Variants in TIMELESS observed in about 807,000 individuals in gnomAD.
The protein encoded by TIMELESS is protein timeless homolog.
In TIMELESS, 124 loss-of-function variants were observed where a neutral mutation model predicts 164.3. The observed-to-expected ratio is 0.75, with a 90% CI of 0.65 to 0.88. The LOEUF is 0.88. Among genes scored for constraint, TIMELESS ranks in the 40% least tolerant of loss-of-function variants. The pLI, the probability that TIMELESS is intolerant of heterozygous loss-of-function variation, is 0.00. For missense variants in TIMELESS, 1,422 were observed against 1,491.4 expected, an observed-to-expected ratio of 0.95 and a Z score of 0.77; for synonymous variants, 564 against 563.4, an observed-to-expected ratio of 1.00 and a Z score of -0.02.
chr12:56,420,048 A>ATATATATATATATATGTGTGTGTGTG (rs1473074484), intron 26 of TIMELESS, among the ~76,000 whole-genome samples: 1 of 87,344 alleles, frequency 1.1e-5, no homozygotes, highest in African/African-American at 5.0e-5. Context: ...ATATATATAT[A>ATATATATATATATATGTGTGTGTGTG]TGTGTGTGTG....
Position 56,428,895 on chromosome 12 carries a change from G to A in TIMELESS, c.1292C>T (p.Ser431Phe). ...CCATCCCACTCACCGGCGTGCCCAG[G>A]AGGCAGCTTCCTTGCGGTCAGTCAG... ...MMLTDRKEAA[S>F]WARRMHLALK... The change falls in exon 11 of 29, where the codon TCC (serine) becomes TTC (phenylalanine). Residue 431 changes from serine to phenylalanine, a missense_variant. Transcript: ENST00000553532. 1 of 1,613,762 alleles carries A rather than the reference G, an allele frequency of 6.2e-7. No homozygotes were observed. Among genetic ancestry groups the A allele is most frequent in the Non-Finnish European group, 8.5e-7 (1 of 1,180,022 alleles).
At chr12:56,423,919 T>C (rs1208262565) in intron 15 of TIMELESS, 25 bp from the exon 16 acceptor site, 2 of 1,599,364 alleles carry the variant, frequency 1.3e-6, no homozygotes, top group Admixed American at 1.7e-5. Context: ...GAAAAAAGGC[T>C]TTACCCAGGG....
chr12:56,419,413 G>A (rs1291829213), intron 26 of TIMELESS, among the ~76,000 whole-genome samples: 1 of 151,772 alleles, frequency 6.6e-6, no homozygotes, highest in Admixed American at 6.6e-5. Context: ...TGACAATTGA[G>A]CAGACTCTTG....
In TIMELESS at chr12:56,433,946, C is replaced by T. The variant is rs1191689925; in HGVS notation, c.98-20G>A. ...CGCTCTCTTCAGAGACAGAACAAAA[C>T]ATGCATGTGGAACCTTGGAAGAAGC... On this transcript the variant is annotated intron_variant, in intron 2 of 28. Coordinates refer to ENST00000553532, the MANE Select transcript of TIMELESS (RefSeq NM_003920.5). 2 of 1,613,402 alleles carry T rather than the reference C, an allele frequency of 1.2e-6. No individual in the cohort carries two copies. The highest frequency in any genetic ancestry group is 3.3e-5 in the Admixed American group (2 of 59,990).
At chr12:56,422,315 C>A in intron 19 of TIMELESS, 124 bp from the exon 20 acceptor site, 1 of 762,476 alleles carries the variant, frequency 1.3e-6, no homozygotes, top group Middle Eastern at 3.8e-4. Flanking sequence ...AAGAGGCCAG[C>A]CAGCAGAGGC....
At chr12:56,434,799 C>G (rs1882016112) in intron 1 of TIMELESS, among the ~76,000 whole-genome samples, 1 of 152,076 alleles carries the variant, frequency 6.6e-6, no homozygotes, top group South Asian at 2.1e-4. Context: ...TGCCTATAAT[C>G]TCAGCATTTT....
chr12:56,418,472 A>T (rs894243718), intron 26 of TIMELESS, 113 bp from the exon 27 acceptor site: 49 of 734,590 alleles, frequency 6.7e-5, no homozygotes, highest in Non-Finnish European at 2.9e-5. Flanking sequence ...AGGGTTGTGA[A>T]CTCTATTTAT....
chr12:56,426,388 T>A (rs1426388996), intron 13 of TIMELESS, among the ~76,000 whole-genome samples: 1 of 150,418 alleles, frequency 6.6e-6, no homozygotes, highest in Non-Finnish European at 1.5e-5. Flanking sequence ...ACAAAATCTT[T>A]TTTTTTTTTT....
intron 1 of TIMELESS, among the ~76,000 whole-genome samples, chr12:56,434,540 C>G (rs1377370409): frequency 6.6e-6 from 1 of 152,132 alleles, no homozygotes. Flanking sequence ...GAGTTCGAGA[C>G]CAGCCTGACC....
At chr12:56,438,647 G>A (rs1331224427) in intron 1 of TIMELESS, among the ~76,000 whole-genome samples, 2 of 151,760 alleles carry the variant, frequency 1.3e-5, no homozygotes, top group African/African-American at 4.8e-5. Flanking sequence ...GTGTGGTGGT[G>A]TGTGCTTGTG....
chr12:56,419,378 G>T (rs1230348510), intron 26 of TIMELESS, among the ~76,000 whole-genome samples: 1 of 152,130 alleles, frequency 6.6e-6, no homozygotes, highest in Non-Finnish European at 1.5e-5. Context: ...TTGAAAGAAT[G>T]ACAAGGACTG....
At position 56,433,399 on chromosome 12, in the gene TIMELESS, C is replaced by A; in HGVS notation, c.411G>T (p.Leu137Phe). 6.2e-7 allele frequency: 1 copy of A among 1,614,174 alleles called. No homozygotes were observed. Among genetic ancestry groups the A allele is most frequent in the Non-Finnish European group, 8.5e-7 (1 of 1,180,032 alleles). ...CACTCACCAGCTGCAGCAGCTCATA[C>A]AAGGTTTCACTGAGGACTCCAAAAG... is the stretch of plus-strand genomic sequence containing the variant. ...EKAFGVLSET[L>F]YELLQLGWEE... is the part of the protein sequence containing the mutation. The change falls in exon 5 of 29, where the codon TTG becomes TTT. Residue 137 changes from leucine (L) to phenylalanine (F), a missense_variant. Leu to Phe is a conservative substitution (Grantham distance 22). Transcript: ENST00000553532.
In TIMELESS at chr12:56,424,835, C is replaced by A. The variant is rs1242676607; in HGVS notation, c.1795G>T (p.Ala599Ser). Residue 599 changes from alanine to serine, a missense_variant, in exon 15 of 29, where the codon GCT (alanine) becomes TCT (serine). Physicochemically the swap from Ala to Ser is moderately conservative, Grantham distance 99. Transcript: ENST00000553532. The stretch of plus-strand genomic sequence containing the variant: ...AGACAGTCTTGGATCCGTACCATAG[C>A]TTCTGCCCGCTGCTCCTCCACTGGC... ...EVPVEEQRAE[A>S]MVRIQDCLLA... 2 of 1,614,236 alleles carry A rather than the reference C, an allele frequency of 1.2e-6. No homozygotes were observed. Among genetic ancestry groups the A allele is most frequent in the Admixed American group, 1.7e-5 (1 of 60,026 alleles).
chr12:56,425,328 TTACTC>T (rs1214644656), intron 13 of TIMELESS, among the ~76,000 whole-genome samples, 176 bp from the exon 14 acceptor site: 1 of 152,236 alleles, frequency 6.6e-6, no homozygotes, highest in African/African-American at 2.4e-5. Flanking sequence ...TGAGGAGCTT[TTACTC>T]TAGTGGTGGA....
At chr12:56,437,772 T>G (rs1369574021) in intron 1 of TIMELESS, among the ~76,000 whole-genome samples, 1 of 152,156 alleles carries the variant, frequency 6.6e-6, no homozygotes, top group Non-Finnish European at 1.5e-5. Flanking sequence ...AGAGAAAAAG[T>G]GTCCTTATGA....
chr12:56,447,282 G>C (rs1424764001), intron 1 of TIMELESS, among the ~76,000 whole-genome samples: 1 of 151,074 alleles, frequency 6.6e-6, no homozygotes, highest in Non-Finnish European at 1.5e-5. Context: ...TCCAGCGATG[G>C]GGCTTAGGCA....
intron 26 of TIMELESS, among the ~76,000 whole-genome samples, chr12:56,419,229 T>C (rs1191028277): frequency 6.6e-6 from 1 of 150,774 alleles, no homozygotes; most frequent in East Asian, 2.0e-4. Flanking sequence ...TGACCTCAGG[T>C]GATCCGCCTG....
rs75096998 is a variant in TIMELESS at position 56,442,159 on chromosome 12, A to G, written c.-62+7151T>C. Among the ~76,000 whole-genome samples the G allele has an allele frequency of 6.2e-3, 791 of 127,000 alleles. 12 individuals are homozygous for G. Among genetic ancestry groups the G allele is most frequent in the African/African-American group, 0.019 (755 of 39,264 alleles). 83.3% of individuals were successfully genotyped at this position (127,000 alleles called of 152,430 possible). ...TATAGAACAAACAATGTAAAAGATA[A>G]GGCAGTACAAGCTCTAAATACGTGA... On this transcript the variant is annotated intron_variant, in intron 1 of 28. Transcript: ENST00000553532.
chr12:56,436,688 G>T lies in TIMELESS; in HGVS notation c.-61-2457C>A, dbSNP rs368340685. Among the ~76,000 whole-genome samples, 8 of 152,226 alleles carry T rather than the reference G, an allele frequency of 5.3e-5. No homozygotes were observed. The South Asian group carries it at 1.2e-3, about 24-fold the overall frequency. On this transcript the variant is annotated intron_variant, in intron 1 of 28. Transcript: ENST00000553532. ...TCCTCAGAAAGGAATTTAGAACACC[G>T]AACAGTGGTCAGAATTCAGTAAGAA...
Sources: gnomAD v4.1 joint callset for allele counts (sites outside exome capture counted in the v4.1 genomes callset) on GRCh38, gnomAD v4.1.1 for gene constraint, MANE v1.5 for transcripts, NCBI Gene and HGNC (gene_info 2026-07-23, HGNC 2026-07-21) for gene names.